APBA1: variants seen among roughly 807,000 people sequenced by gnomAD.
The protein encoded by APBA1 is amyloid-beta A4 precursor protein-binding family A member 1.
APBA1 carries 55 observed loss-of-function variants against 86.6 expected under a neutral mutation model. That is an observed-to-expected ratio of 0.64 (90% CI 0.51 to 0.80). The LOEUF (loss-of-function observed/expected upper bound fraction) is 0.80, where lower values mean the gene tolerates loss of function less well. Ranked by LOEUF, APBA1 falls within the 30% of genes least tolerant of loss-of-function variation. APBA1 has a pLI of 0.00. For missense variants in APBA1, 1,090 were observed against 1,183.0 expected, an observed-to-expected ratio of 0.92 and a Z score of 1.15; for synonymous variants, 511 against 493.9, an observed-to-expected ratio of 1.03 and a Z score of -0.46.
chr9:69,557,655 CT>C (rs1836883794), intron 1 of APBA1, among the ~76,000 whole-genome samples: 1 of 152,174 alleles, frequency 6.6e-6, no homozygotes. Flanking sequence ...AGGCATTTGG[CT>C]TGGATGGTTT....
chr9:69,659,718 C>A (rs568791784), intron 1 of APBA1, among the ~76,000 whole-genome samples: 1 of 152,318 alleles, frequency 6.6e-6, no homozygotes, highest in East Asian at 1.9e-4. Context: ...ATGATATGCA[C>A]TTTTAACACT....
At chr9:69,481,311 G>A (rs1036235378) in intron 2 of APBA1, among the ~76,000 whole-genome samples, 14 of 151,986 alleles carry the variant, frequency 9.2e-5, no homozygotes, top group African/African-American at 3.1e-4. Context: ...AAAATCACAA[G>A]CATTCTTATA....
intron 7 of APBA1, among the ~76,000 whole-genome samples, chr9:69,456,751 A>C (rs929893548): frequency 9.9e-5 from 15 of 152,094 alleles, no homozygotes; most frequent in Middle Eastern, 3.2e-3. Context: ...GTGTGCGTGA[A>C]TGTAAGAGAT....
At chr9:69,510,191 T>C (rs1836008452) in intron 2 of APBA1, among the ~76,000 whole-genome samples, 2 of 148,640 alleles carry the variant, frequency 1.3e-5, no homozygotes, top group Admixed American at 1.3e-4. Context: ...CAGCCCAAAA[T>C]CTCCTTAAGC....
intron 11 of APBA1, among the ~76,000 whole-genome samples, chr9:69,437,590 G>T (rs1272326487): frequency 2.2e-5 from 1 of 44,846 alleles, no homozygotes; most frequent in Non-Finnish European, 4.6e-5. Flanking sequence ...ATTCTCTGAT[G>T]GTAGTTTGTA....
At chr9:69,650,889 C>T (rs565316864) in intron 1 of APBA1, among the ~76,000 whole-genome samples, 13 of 152,254 alleles carry the variant, frequency 8.5e-5, no homozygotes, top group African/African-American at 2.9e-4. Flanking sequence ...AAACACATGC[C>T]CATCCCTATG....
At chr9:69,466,672 T>G (rs970439407) in intron 5 of APBA1, among the ~76,000 whole-genome samples, 2 of 152,224 alleles carry the variant, frequency 1.3e-5, no homozygotes, top group Non-Finnish European at 2.9e-5. Flanking sequence ...GCCAAGACCC[T>G]GCACAGCTCT....
intron 1 of APBA1, among the ~76,000 whole-genome samples, chr9:69,539,461 C>G (rs1836563855): frequency 6.6e-6 from 1 of 152,176 alleles, no homozygotes; most frequent in South Asian, 2.1e-4. Context: ...GTTATTTCTA[C>G]TTTCAAAATG....
chr9:69,574,500 C>A (rs1375433477), intron 1 of APBA1, among the ~76,000 whole-genome samples: 1 of 152,048 alleles, frequency 6.6e-6, no homozygotes, highest in Non-Finnish European at 1.5e-5. Flanking sequence ...GCATAGCCTG[C>A]CCCATAAAGC....
intron 1 of APBA1, among the ~76,000 whole-genome samples, chr9:69,657,732 A>T (rs569739588): frequency 6.6e-6 from 1 of 152,324 alleles, no homozygotes; most frequent in South Asian, 2.1e-4. Context: ...TAAACATTTT[A>T]CTACTTTAGC....
intron 1 of APBA1, among the ~76,000 whole-genome samples, chr9:69,541,251 A>AC (rs71500368): frequency 0.31 from 37,589 of 121,556 alleles, 5,487 homozygotes; most frequent in Middle Eastern, 0.43. Context: ...TGTTTTAGGG[A>AC]CCCCCCCCCC....
intron 1 of APBA1, among the ~76,000 whole-genome samples, chr9:69,671,766 T>A (rs1823953338): frequency 6.6e-6 from 1 of 151,598 alleles, no homozygotes; most frequent in Admixed American, 6.6e-5. Context: ...GATGAGGGGG[T>A]CCTAGCGGGG....
intron 3 of APBA1, among the ~76,000 whole-genome samples, chr9:69,475,588 C>T (rs1835431203): frequency 6.6e-6 from 1 of 152,212 alleles, no homozygotes; most frequent in African/African-American, 2.4e-5. Flanking sequence ...AAAGATATCT[C>T]ATTTGGGCCT....
upstream of APBA1, among the ~76,000 whole-genome samples, chr9:69,672,473 G>GGGGAGC (rs1823974302): frequency 6.7e-6 from 1 of 148,598 alleles, no homozygotes; most frequent in East Asian, 2.0e-4. Context: ...GGAGGGCGCG[G>GGGGAGC]GGGAGCGCGC....
At chr9:69,514,725 G>T (rs908829659) in intron 2 of APBA1, among the ~76,000 whole-genome samples, 1 of 151,974 alleles carries the variant, frequency 6.6e-6, no homozygotes, top group African/African-American at 2.4e-5. Flanking sequence ...CCTGGCCAAC[G>T]TTATGAAACC....
intron 1 of APBA1, among the ~76,000 whole-genome samples, chr9:69,532,472 G>A (rs1475508772): frequency 1.3e-5 from 2 of 152,112 alleles, no homozygotes; most frequent in African/African-American, 2.4e-5. Context: ...CACAAATATC[G>A]CCCTGTGACA....
chr9:69,601,484 CT>C (rs1456888514), intron 1 of APBA1, among the ~76,000 whole-genome samples: 1 of 152,224 alleles, frequency 6.6e-6, no homozygotes, highest in East Asian at 1.9e-4. Context: ...CATAAAACTA[CT>C]TGTTGGCAAC....
intron 2 of APBA1, among the ~76,000 whole-genome samples, chr9:69,480,958 T>C (rs1196201470): frequency 2.0e-5 from 3 of 147,214 alleles, no homozygotes; most frequent in Admixed American, 6.8e-5. Flanking sequence ...AAATTAGGTA[T>C]TGATGGGATG....
At chr9:69,655,782 T>G (rs545160500) in intron 1 of APBA1, among the ~76,000 whole-genome samples, 2 of 151,794 alleles carry the variant, frequency 1.3e-5, no homozygotes, top group African/African-American at 4.9e-5. Flanking sequence ...GAAAAAGAAC[T>G]AAGCTAGAAC....
Sources: gnomAD v4.1 joint callset for allele counts (sites outside exome capture counted in the v4.1 genomes callset) on GRCh38, gnomAD v4.1.1 for gene constraint, MANE v1.5 for transcripts, NCBI Gene and HGNC (gene_info 2026-07-23, HGNC 2026-07-21) for gene names.